The following RAI14 variants were observed in gnomAD, a reference collection of about 807,000 sequenced individuals.
RAI14 encodes ankycorbin.
In RAI14, 45 loss-of-function variants were observed where a neutral mutation model predicts 115.4. The ratio of observed to expected loss-of-function variants is 0.39; its 90% CI spans 0.31 to 0.50. The LOEUF is 0.50. Ranked by LOEUF, RAI14 falls within the 20% of genes least tolerant of loss-of-function variation. RAI14 has a pLI of 0.85. For synonymous variants in RAI14, 371 were observed against 415.4 expected (o/e 0.89, Z 1.30); for missense variants, 939 against 1,131.2 (o/e 0.83, Z 2.44).
intron 15 of RAI14, among the ~76,000 whole-genome samples, chr5:34,825,437 T>C (rs1757339569): frequency 1.3e-5 from 2 of 152,166 alleles, no homozygotes; most frequent in African/African-American, 4.8e-5. Context: ...CACCTCAAAC[T>C]TCAGGTTCTT....
intron 2 of RAI14, among the ~76,000 whole-genome samples, chr5:34,704,405 G>C (rs1445315320): frequency 6.6e-6 from 1 of 152,176 alleles, no homozygotes; most frequent in African/African-American, 2.4e-5. Flanking sequence ...TGACTGAATA[G>C]CTGGACAGTG....
chr5:34,685,168 G>C (rs1190317922), intron 1 of RAI14: 3 of 151,782 alleles, frequency 2.0e-5, no homozygotes, highest in Non-Finnish European at 4.4e-5. Context: ...GATAGCTTGA[G>C]CCCAGGAATT....
chr5:34,749,945 C>T (rs1746772268), intron 2 of RAI14, among the ~76,000 whole-genome samples: 1 of 152,114 alleles, frequency 6.6e-6, no homozygotes, highest in African/African-American at 2.4e-5. Context: ...TTTGAAGGAG[C>T]ATAGTAGAAA....
chr5:34,698,578 T>C (rs1402867298), intron 2 of RAI14, among the ~76,000 whole-genome samples: 2 of 152,046 alleles, frequency 1.3e-5, no homozygotes, highest in Non-Finnish European at 2.9e-5. Context: ...AGTTAGGGGC[T>C]GAGCCATCAC....
intron 1 of RAI14, chr5:34,686,381 G>GT (rs1203856734): frequency 6.6e-6 from 1 of 152,154 alleles, no homozygotes; most frequent in Admixed American, 6.6e-5. Flanking sequence ...GGAGATGTTG[G>GT]TCAAAGGATG....
At chr5:34,770,344 G>A (rs1016187997) in intron 3 of RAI14, among the ~76,000 whole-genome samples, 8 of 152,130 alleles carry the variant, frequency 5.3e-5, no homozygotes, top group Non-Finnish European at 8.8e-5. Flanking sequence ...GTGCCTTGAC[G>A]TGAGAAAACT....
At chr5:34,663,799 AG>A (rs1309462763) in intron 1 of RAI14, among the ~76,000 whole-genome samples, 1 of 152,222 alleles carries the variant, frequency 6.6e-6, no homozygotes, top group Non-Finnish European at 1.5e-5. Context: ...TCAGCAACAA[AG>A]TGCGAAGTCG....
chr5:34,828,891 T>C, intron 16 of RAI14, among the ~76,000 whole-genome samples: 1 of 152,192 alleles, frequency 6.6e-6, no homozygotes, highest in East Asian at 1.9e-4. Context: ...GGCCATATAG[T>C]GGGTAATCAA....
intron 3 of RAI14, among the ~76,000 whole-genome samples, chr5:34,774,378 AC>A (rs2150140094): frequency 6.6e-6 from 1 of 152,210 alleles, no homozygotes; most frequent in South Asian, 2.1e-4. Flanking sequence ...ACAAAAATAA[AC>A]AAACAAACAA....
At chr5:34,813,826 G>T (rs1474063316) in intron 11 of RAI14, among the ~76,000 whole-genome samples, 166 bp downstream of exon 11, 1 of 152,160 alleles carries the variant, frequency 6.6e-6, no homozygotes, top group Non-Finnish European at 1.5e-5. Context: ...AAGGATTGAT[G>T]ATTAGTATGG....
rs531890818 is a variant in RAI14 at position 34,693,603 on chromosome 5, G to C, written c.36+6648G>C. On this transcript the variant is annotated intron_variant, in intron 2 of 17. Coordinates refer to ENST00000265109, the MANE Select transcript of RAI14 (RefSeq NM_015577.3). ...CCATTGCTACAATGCATTTGATAGA[G>C]GAAGAAATGAATGTTGAGGACAGGT... Among the ~76,000 whole-genome samples the C allele has an allele frequency of 1.1e-3, 165 of 152,336 alleles. 1 individual carries two copies. Among genetic ancestry groups the C allele is most frequent in the Non-Finnish European group, 1.9e-3 (131 of 68,040 alleles).
chr5:34,827,799 T>G lies in RAI14; in HGVS notation c.2799+1320T>G, dbSNP rs1580384329. ...TGAGCTCTTACATCAGTATTATACA[T>G]GGGGCTGATGATATAAAATGAGTAA... On this transcript the variant is annotated intron_variant, in intron 16 of 17. Transcript: ENST00000265109. This position sits in a 1 kb window ranked among gnomAD's most constrained non-coding sequence, Gnocchi z 4.2. 6.6e-6 allele frequency among the ~76,000 whole-genome samples: 1 copy of G among 152,210 alleles called. No individual in the cohort carries two copies. The highest frequency in any genetic ancestry group is 1.5e-5 in the Non-Finnish European group (1 of 68,036).
chr5:34,753,390 G>A (rs1402073229), intron 2 of RAI14, among the ~76,000 whole-genome samples: 2 of 152,130 alleles, frequency 1.3e-5, no homozygotes, highest in Admixed American at 1.3e-4. Flanking sequence ...TAGGGGAGAG[G>A]ATTTGCTTCT....
At chr5:34,691,689 C>A (rs953644599) in intron 2 of RAI14, among the ~76,000 whole-genome samples, 2 of 152,098 alleles carry the variant, frequency 1.3e-5, no homozygotes, top group Non-Finnish European at 1.5e-5. Flanking sequence ...TGATCGAGGG[C>A]TTCACGGTTT....
chr5:34,782,163 G>T (rs781576683), intron 3 of RAI14, among the ~76,000 whole-genome samples: 19 of 152,202 alleles, frequency 1.2e-4, no homozygotes, highest in Non-Finnish European at 2.2e-4. Context: ...TTCAGCGTGG[G>T]TGTCATGGCC....
intron 11 of RAI14, 89 bp from the exon 12 acceptor site, chr5:34,814,494 T>G: frequency 4.3e-6 from 4 of 924,552 alleles, no homozygotes; most frequent in Non-Finnish European, 5.2e-6. Flanking sequence ...TTCATTGCAT[T>G]GGTTAAACAG....
At chr5:34,693,628 T>C (rs1738895925) in intron 2 of RAI14, among the ~76,000 whole-genome samples, 1 of 152,202 alleles carries the variant, frequency 6.6e-6, no homozygotes, top group Admixed American at 6.5e-5. Flanking sequence ...TGAGGACAGG[T>C]AAGTAACTTG....
intron 3 of RAI14, among the ~76,000 whole-genome samples, chr5:34,769,416 C>T (rs1457091793): frequency 6.6e-6 from 1 of 152,154 alleles, no homozygotes; most frequent in African/African-American, 2.4e-5. Context: ...TGCTGCCTTC[C>T]TTACCCTCAG....
chr5:34,669,025 T>C (rs1478571225), intron 1 of RAI14, among the ~76,000 whole-genome samples: 1 of 152,010 alleles, frequency 6.6e-6, no homozygotes, highest in East Asian at 1.9e-4. Flanking sequence ...TCCAGCTAAT[T>C]TTTGTATTTT....
Sources: gnomAD v4.1 joint callset for allele counts (sites outside exome capture counted in the v4.1 genomes callset) on GRCh38, gnomAD v4.1.1 for gene constraint, Gnocchi (gnomAD v3.1) non-coding constraint, MANE v1.5 for transcripts, NCBI Gene and HGNC (gene_info 2026-07-23, HGNC 2026-07-21) for gene names.